Variants in UTP4 observed in about 807,000 individuals in gnomAD.
UTP4 encodes U3 small nucleolar RNA-associated protein 4 homolog.
A neutral mutation model predicts 82.4 loss-of-function variants in UTP4; 45 were observed. The ratio of observed to expected loss-of-function variants is 0.55; its 90% CI spans 0.43 to 0.70. The LOEUF is 0.70. Ranked by LOEUF, UTP4 falls within the 30% of genes least tolerant of loss-of-function variation. The pLI, the probability that UTP4 is intolerant of heterozygous loss-of-function variation, is 0.00. For synonymous variants in UTP4, 348 were observed against 300.3 expected (o/e 1.16, Z -1.64); for missense variants, 819 against 858.3 (o/e 0.95, Z 0.57).
intron 6 of UTP4, among the ~76,000 whole-genome samples, chr16:69,149,842 C>A (rs1161063530): frequency 1.3e-5 from 2 of 152,024 alleles, no homozygotes; most frequent in Non-Finnish European, 1.5e-5. Context: ...GATTCTCGTG[C>A]CTCAGCCGTC....
rs901454217 is a variant in UTP4, at chr16:69,158,019, C to G, written c.1444+779C>G. Reference sequence around the variant, plus strand: ...TGGCTATGTAGCTAGCTATGGCTAACTGTTAAGGACTTGGACTCAGTTTCC... The same window carrying G: ...TGGCTATGTAGCTAGCTATGGCTAAGTGTTAAGGACTTGGACTCAGTTTCC... On this transcript the variant is annotated intron_variant, in intron 12 of 16. Transcript: ENST00000314423. 6.6e-5 allele frequency among the ~76,000 whole-genome samples: 10 copies of G among 151,724 alleles called. No homozygotes were observed. In the East Asian group the frequency reaches 1.5e-3, roughly 23 times the overall value.
At chr16:69,160,007 G>GA (rs890084142) in intron 12 of UTP4, among the ~76,000 whole-genome samples, 9 of 150,488 alleles carry the variant, frequency 6.0e-5, no homozygotes, top group South Asian at 2.1e-4. Flanking sequence ...ACAAAAAACA[G>GA]AAAAAAAACC....
At position 69,165,493 on chromosome 16, in the gene UTP4, T is replaced by C; in HGVS notation, c.1800T>C (p.Asp600=). The C allele has an allele frequency of 1.2e-6, 2 of 1,614,198 alleles. No homozygotes were observed. The highest frequency in any genetic ancestry group is 1.7e-6 in the Non-Finnish European group (2 of 1,180,000). ...PKRPMHILLH[D]AYMFCIIDKS... ...GACCGATGCACATCCTTCTCCATGA[T>C]GCCTACATGTTCTGCATCATTGACA... is the stretch of plus-strand genomic sequence containing the variant. Residue 600 remains aspartate (D), a synonymous_variant, in exon 15 of 17, where the codon GAT becomes GAC. Transcript: ENST00000314423.
intron 5 of UTP4, chr16:69,142,213 T>A (rs1567602234): frequency 6.6e-6 from 1 of 152,226 alleles, no homozygotes; most frequent in Non-Finnish European, 1.5e-5. Flanking sequence ...GACTGCTTAT[T>A]TGGGGTAGCC....
At position 69,135,715 on chromosome 16, in the gene UTP4, C is replaced by CA. The variant is rs533351803; in HGVS notation, c.160-973dup. 4.9e-3 allele frequency among the ~76,000 whole-genome samples: 749 copies of CA among 151,514 alleles called. 3 individuals are homozygous for CA. The highest frequency in any genetic ancestry group is 0.017 in the African/African-American group (718 of 41,334). On this transcript the variant is annotated intron_variant, in intron 2 of 16. Coordinates refer to ENST00000314423, the MANE Select transcript of UTP4 (RefSeq NM_032830.3). Reference sequence around the variant, plus strand: ...TGGGTGACAAAATGAGACCCTGTGTCAAAAAAAATAAATAAATAAAAGTGG... The same window carrying CA: ...TGGGTGACAAAATGAGACCCTGTGTCAAAAAAAAATAAATAAATAAAAGTGG...
intron 6 of UTP4, among the ~76,000 whole-genome samples, chr16:69,149,383 AAAAAAC>A (rs1423197069): frequency 1.3e-5 from 2 of 151,970 alleles, no homozygotes; most frequent in Non-Finnish European, 2.9e-5. Flanking sequence ...TCTGTCTCAA[AAAAAAC>A]AAAAACAAAA....
intron 8 of UTP4, among the ~76,000 whole-genome samples, chr16:69,151,957 C>T (rs1234100973): frequency 6.6e-6 from 1 of 151,396 alleles, no homozygotes; most frequent in Admixed American, 6.6e-5. Context: ...TTCATTCAAG[C>T]AGTAAACCTC....
intron 13 of UTP4, 132 bp downstream of exon 13, chr16:69,160,594 TTTTC>T (rs1963539924): frequency 8.6e-6 from 6 of 694,268 alleles, no homozygotes; most frequent in African/African-American, 3.7e-5. Context: ...TTTTCTTTTC[TTTTC>T]TTTTTTTTTT....
Position 69,136,763 on chromosome 16 carries a change from G to A in UTP4, c.227G>A (p.Ser76Asn). 1 of 1,614,136 alleles carries A rather than the reference G, an allele frequency of 6.2e-7. No individual in the cohort carries two copies. The highest frequency in any genetic ancestry group is 8.5e-7 in the Non-Finnish European group (1 of 1,179,982). Residue 76 changes from serine to asparagine, a missense_variant, in exon 3 of 17, where the codon AGT becomes AAT. By Grantham distance (46) the Ser-to-Asn change is conservative. Coordinates refer to ENST00000314423, the MANE Select transcript of UTP4 (RefSeq NM_032830.3). ...TGGGCAGAAGGACAGCGACTCTTTA[G>A]TGCTGGGCTCAATGGCGAGATTATG... ...LCWAEGQRLFSAGLNGEIMEY... is the reference protein window; with the variant it reads ...LCWAEGQRLFNAGLNGEIMEY...
At chr16:69,148,942 T>C (rs1357837891) in intron 6 of UTP4, among the ~76,000 whole-genome samples, 1 of 152,138 alleles carries the variant, frequency 6.6e-6, no homozygotes, top group Non-Finnish European at 1.5e-5. Context: ...TGAGTTGTGT[T>C]TTTTTGTTTT....
At chr16:69,156,551 C>T (rs1019492388) in intron 11 of UTP4, among the ~76,000 whole-genome samples, 2 of 151,478 alleles carry the variant, frequency 1.3e-5, no homozygotes, top group African/African-American at 2.4e-5. Context: ...CTCTGCCTCT[C>T]GGGTTCAAGC....
In UTP4 at chr16:69,163,176, C is replaced by A; in HGVS notation, c.1645C>A (p.Gln549Lys). Residue 549 changes from glutamine (Q) to lysine (K), a missense_variant and splice_region_variant, in exon 14 of 17, where the codon CAG becomes AAG. Transcript: ENST00000314423. ...CCTTGTCATCGCTCATTCGGACCAG[C>A]AGGTAAGGGAGATTCCAGTGCTTTC... The part of the protein sequence containing the change: ...NNLVIAHSDQ[Q>K]VFEYSIPDKQ... 7 of 1,609,980 alleles carry A rather than the reference C, an allele frequency of 4.3e-6. No individual in the cohort carries two copies. The highest frequency in any genetic ancestry group is 6.0e-6 in the Non-Finnish European group (7 of 1,176,234).
chr16:69,153,804 G>C (rs754713932), intron 9 of UTP4, 124 bp downstream of exon 9: 36 of 730,062 alleles, frequency 4.9e-5, no homozygotes, highest in Non-Finnish European at 8.4e-5. Context: ...TTAACTAATG[G>C]TTTTCCCACC....
chr16:69,164,086 A>C (rs531724192), intron 14 of UTP4, among the ~76,000 whole-genome samples: 1 of 151,796 alleles, frequency 6.6e-6, no homozygotes, highest in Non-Finnish European at 1.5e-5. Context: ...GAGTTTCACC[A>C]TGTTAGCCAG....
In UTP4 at chr16:69,154,262, C is replaced by T. The variant is rs1057440366; in HGVS notation, c.1100-131C>T. The T allele has an allele frequency of 2.5e-5, 18 of 716,690 alleles. No individual in the cohort carries two copies. The South Asian group carries it at 2.7e-4, about 11-fold the overall frequency. The allele number at this position is 716,690 out of a possible 1,614,324, so 44.4% of individuals were successfully genotyped here. Reference sequence around the variant, plus strand: ...ACCCCTCAAAAATTGTGAGCTTACTCAGTGAGCTTGTATTTTTCTGATTTC... The same window carrying T: ...ACCCCTCAAAAATTGTGAGCTTACTTAGTGAGCTTGTATTTTTCTGATTTC... On this transcript the variant is annotated intron_variant, in intron 9 of 16. Transcript: ENST00000314423.
chr16:69,167,269 A>G (rs781470492), intron 16 of UTP4, 84 bp downstream of exon 16: 55 of 905,124 alleles, frequency 6.1e-5, no homozygotes, highest in Non-Finnish European at 8.8e-5. Context: ...GGAAGATAAG[A>G]GCACCTTCAG....
chr16:69,154,376 G>C lies in UTP4; in HGVS notation c.1100-17G>C, dbSNP rs373007792. 36 of 1,593,666 alleles carry C rather than the reference G, an allele frequency of 2.3e-5. No individual in the cohort carries two copies. The Middle Eastern group carries it at 6.6e-4, about 29-fold the overall frequency. ...TTTCTTTCATAAGAAAAATCTCAGGGAAGTTTCTTGTTTCAGGCAAGAATG... is the reference window on the plus strand; with the variant it reads ...TTTCTTTCATAAGAAAAATCTCAGGCAAGTTTCTTGTTTCAGGCAAGAATG... On this transcript the variant is annotated splice_polypyrimidine_tract_variant and intron_variant, in intron 9 of 16. Transcript: ENST00000314423.
At chr16:69,135,222 A>G (rs1048137188) in intron 2 of UTP4, among the ~76,000 whole-genome samples, 1 of 152,112 alleles carries the variant, frequency 6.6e-6, no homozygotes, top group Non-Finnish European at 1.5e-5. Context: ...GCCACTGCTT[A>G]ATGTTTCTTG....
chr16:69,144,070 T>A (rs969568432), intron 6 of UTP4, among the ~76,000 whole-genome samples: 8 of 151,268 alleles, frequency 5.3e-5, no homozygotes, highest in African/African-American at 1.9e-4. Context: ...ATATTTTTAG[T>A]AGAGATGGGG....
Sources: gnomAD v4.1 joint callset for allele counts (sites outside exome capture counted in the v4.1 genomes callset) on GRCh38, gnomAD v4.1.1 for gene constraint, MANE v1.5 for transcripts, NCBI Gene and HGNC (gene_info 2026-07-23, HGNC 2026-07-21) for gene names.